Variants in SLC9A5 observed in about 807,000 individuals in gnomAD.
The protein encoded by SLC9A5 is solute carrier family 9 member A5.
A neutral mutation model predicts 91.7 loss-of-function variants in SLC9A5; 52 were observed. The observed-to-expected ratio is 0.57, with a 90% CI of 0.45 to 0.71. SLC9A5 has a LOEUF of 0.71. Among genes scored for constraint, SLC9A5 ranks in the 30% least tolerant of loss-of-function variants. The pLI is 0.00. For synonymous variants in SLC9A5, 419 were observed against 474.5 expected (o/e 0.88, Z 1.52); for missense variants, 871 against 1,158.9 (o/e 0.75, Z 3.61).
At position 67,270,924 on chromosome 16, in the gene SLC9A5, C is replaced by T. The variant is rs1163584484; in HGVS notation, c.2405C>T (p.Ala802Val). The T allele has an allele frequency of 2.5e-6, 4 of 1,614,104 alleles. No homozygotes were observed. The highest frequency in any genetic ancestry group is 1.1e-5 in the South Asian group (1 of 91,072). Residue 802 changes from alanine to valine, a missense_variant, in exon 16 of 16, where the codon GCG becomes GTG. Transcript: ENST00000299798. This position sits in a 1 kb window ranked among gnomAD's most constrained non-coding sequence, Gnocchi z 4.3. ...NQSISSLESL[A>V]SPPCNQAPIL... ...AGCATCTCATCCCTGGAGAGCCTAG[C>T]GTCCCCTCCCTGTAACCAGGCCCCA...
Position 67,271,654 on chromosome 16 carries a change from C to G in SLC9A5, c.*444C>G, listed in dbSNP as rs564419718. On this transcript the variant is annotated 3_prime_UTR_variant, in exon 16 of 16. Coordinates refer to ENST00000299798, the MANE Select transcript of SLC9A5 (RefSeq NM_004594.3). ...GGTCAGTGGTGTCCTGGCAGTGAGG[C>G]TCCGTGAGGGGCTGGCCCTTAGAGG... 3 of 174,002 alleles carry G rather than the reference C, an allele frequency of 1.7e-5. No homozygotes were observed. In the South Asian group the frequency reaches 4.3e-4, roughly 25 times the overall value. 10.8% of individuals were successfully genotyped at this position (174,002 alleles called of 1,614,324 possible).
chr16:67,258,269 G>A lies in SLC9A5; in HGVS notation c.1497-49G>A, dbSNP rs750226817. The A allele has an allele frequency of 2.2e-5, 35 of 1,606,924 alleles. No individual in the cohort carries two copies. Among genetic ancestry groups the A allele is most frequent in the Non-Finnish European group, 2.9e-5 (34 of 1,177,416 alleles). ...GCCCCGTCTGAGGAAGGGCCACCTG[G>A]CCAGGCCTTGGGAATGGGACTCAGG... On this transcript the variant is annotated intron_variant, in intron 9 of 15. Transcript: ENST00000299798. The surrounding 1 kb of genome is among the most constrained non-coding windows in gnomAD (Gnocchi z 4.5).
At position 67,252,782 on chromosome 16, in the gene SLC9A5, C is replaced by T; in HGVS notation, c.428C>T (p.Thr143Ile). 3 of 1,614,072 alleles carry T rather than the reference C, an allele frequency of 1.9e-6. No individual in the cohort carries two copies. Among genetic ancestry groups the T allele is most frequent in the Non-Finnish European group, 2.5e-6 (3 of 1,180,026 alleles). ...ATCCTCACCTATGCCGTGGTAGGCA[C>T]ACTCTGGAATGCCTTCACAACAGGC... ...GAILTYAVVG[T>I]LWNAFTTGAA... is the part of the protein sequence containing the mutation. The change falls in exon 2 of 16, where the codon ACA becomes ATA. Residue 143 changes from threonine to isoleucine, a missense_variant. By Grantham distance (89) the Thr-to-Ile change is moderately conservative. Coordinates refer to ENST00000299798, the MANE Select transcript of SLC9A5 (RefSeq NM_004594.3). The surrounding 1 kb of genome is among the most constrained non-coding windows in gnomAD (Gnocchi z 4.0).
chr16:67,253,957 G>A (rs1471183628), intron 2 of SLC9A5, among the ~76,000 whole-genome samples: 1 of 152,162 alleles, frequency 6.6e-6, no homozygotes, highest in African/African-American at 2.4e-5. Flanking sequence ...ACAAGAAAAC[G>A]TTTACAATTG....
rs1274902588 is a variant in SLC9A5, at chr16:67,255,200, T to C, written c.654+16T>C. 6.2e-7 allele frequency: 1 copy of C among 1,609,528 alleles called. No homozygotes were observed. The highest frequency in any genetic ancestry group is 1.1e-5 in the South Asian group (1 of 90,778). ...TGTCACCGTGGTGAGCGTGCTCAGC[T>C]GACTGCCATTCCCTGACCCCAGGCT... is the stretch of plus-strand genomic sequence containing the variant. On this transcript the variant is annotated intron_variant, in intron 3 of 15. Coordinates refer to ENST00000299798, the MANE Select transcript of SLC9A5 (RefSeq NM_004594.3). The surrounding 1 kb of genome is among the most constrained non-coding windows in gnomAD (Gnocchi z 4.9).
chr16:67,256,964 A>G lies in SLC9A5; in HGVS notation c.1186A>G (p.Lys396Glu). 1 of 1,614,204 alleles carries G rather than the reference A, an allele frequency of 6.2e-7. No individual in the cohort carries two copies. Among genetic ancestry groups the G allele is most frequent in the Non-Finnish European group, 8.5e-7 (1 of 1,180,044 alleles). ...LNQFRLVPLD[K>E]IDQVVMSYGG... ...TCAGTTCCGGCTAGTCCCTCTGGAC[A>G]AGATTGACCAAGTGGTGATGTCCTA... Residue 396 changes from lysine to glutamate, a missense_variant, in exon 7 of 16, where the codon AAG (lysine) becomes GAG (glutamate). Lys to Glu is a moderately conservative substitution (Grantham distance 56). Coordinates refer to ENST00000299798, the MANE Select transcript of SLC9A5 (RefSeq NM_004594.3). This position sits in a 1 kb window ranked among gnomAD's most constrained non-coding sequence, Gnocchi z 4.1.
Position 67,252,457 on chromosome 16 carries a change from A to G in SLC9A5, c.188-85A>G, listed in dbSNP as rs932736185. 3 of 1,307,652 alleles carry G rather than the reference A, an allele frequency of 2.3e-6. No homozygotes were observed. The highest frequency in any genetic ancestry group is 3.1e-6 in the Non-Finnish European group (3 of 954,152). 81.0% of individuals were successfully genotyped at this position (1,307,652 alleles called of 1,614,324 possible). A position where few individuals can be genotyped will look rare whatever the true frequency, so the allele number is the denominator to read the frequency against. ...AGAGTGAGACTTCATCTCAAAAAAA[A>G]AAAAACAAAACTGGGAGTTCATAGG... On this transcript the variant is annotated intron_variant, in intron 1 of 15. Coordinates refer to ENST00000299798, the MANE Select transcript of SLC9A5 (RefSeq NM_004594.3). This position sits in a 1 kb window ranked among gnomAD's most constrained non-coding sequence, Gnocchi z 4.0.
rs200327128 is a variant in SLC9A5 at position 67,252,889 on chromosome 16, C to T, written c.490+45C>T. ...GGGCTTTGCCAGACCCATCACCCCT[C>T]TCCCTTCTCCTCAAGCTCTGGAGGC... On this transcript the variant is annotated intron_variant, in intron 2 of 15. Coordinates refer to ENST00000299798, the MANE Select transcript of SLC9A5 (RefSeq NM_004594.3). The surrounding 1 kb of genome is among the most constrained non-coding windows in gnomAD (Gnocchi z 4.0). 2.0e-6 allele frequency: 3 copies of T among 1,521,168 alleles called. No homozygotes were observed. Among genetic ancestry groups the T allele is most frequent in the Non-Finnish European group, 2.7e-6 (3 of 1,124,082 alleles). The allele number at this position is 1,521,168 out of a possible 1,614,324, so 94.2% of individuals were successfully genotyped here. A position where few individuals can be genotyped will look rare whatever the true frequency, so the allele number is the denominator to read the frequency against.
Position 67,270,260 on chromosome 16 carries a change from A to T in SLC9A5, c.2219-478A>T, listed in dbSNP as rs2142396765. Among the ~76,000 whole-genome samples the T allele has an allele frequency of 6.6e-6, 1 of 152,142 alleles. No homozygotes were observed. Among genetic ancestry groups the T allele is most frequent in the African/African-American group, 2.4e-5 (1 of 41,498 alleles). On this transcript the variant is annotated intron_variant, in intron 15 of 15. Coordinates refer to ENST00000299798, the MANE Select transcript of SLC9A5 (RefSeq NM_004594.3). This position sits in a 1 kb window ranked among gnomAD's most constrained non-coding sequence, Gnocchi z 4.3. ...GAGTGCAGTGGCGAGATCTCGGCTC[A>T]TTGCAACCTCTGCCTCCCGGGTTCA... is the stretch of plus-strand genomic sequence containing the variant.
At chr16:67,262,477 T>G in intron 12 of SLC9A5, 1 of 312,584 alleles carries the variant, frequency 3.2e-6, no homozygotes, top group South Asian at 2.7e-5. Context: ...TATCAGGTTT[T>G]GTCACCTGGC....
intron 2 of SLC9A5, 140 bp from the exon 3 acceptor site, chr16:67,254,881 G>A: frequency 4.1e-6 from 3 of 732,636 alleles, no homozygotes; most frequent in South Asian, 3.8e-5. Flanking sequence ...GCAGGCTAAT[G>A]CTGTCTTTGC....
Position 67,255,630 on chromosome 16 carries a change from C to T in SLC9A5, c.734-123C>T. 1 of 1,333,186 alleles carries T rather than the reference C, an allele frequency of 7.5e-7. No homozygotes were observed. The highest frequency in any genetic ancestry group is 1.0e-6 in the Non-Finnish European group (1 of 956,798). The allele number at this position is 1,333,186 out of a possible 1,614,324, so 82.6% of individuals were successfully genotyped here. ...GAGGGGCTTGCCAGGGATCCTGGCT[C>T]TGGGGTTTTGAGCCCCTGGGAGTGC... On this transcript the variant is annotated intron_variant, in intron 4 of 15. Transcript: ENST00000299798. The surrounding 1 kb of genome is among the most constrained non-coding windows in gnomAD (Gnocchi z 4.9).
Position 67,255,359 on chromosome 16 carries a change from C to T in SLC9A5, c.655-34C>T. ...CCCAGCAGTCCCAGTTGCTGCCTTC[C>T]CGCCTCACTGCTGACTCTCCTCTTC... On this transcript the variant is annotated intron_variant, in intron 3 of 15. Transcript: ENST00000299798. The surrounding 1 kb of genome is among the most constrained non-coding windows in gnomAD (Gnocchi z 4.9). 1 of 1,592,900 alleles carries T rather than the reference C, an allele frequency of 6.3e-7. No homozygotes were observed. Among genetic ancestry groups the T allele is most frequent in the Non-Finnish European group, 8.6e-7 (1 of 1,162,320 alleles).
chr16:67,256,730 C>T lies in SLC9A5; in HGVS notation c.1132+41C>T. Reference sequence around the variant, plus strand: ...TCTGCTTTCCCACTCTCCTTCCTGTCCCGCCCCTCCCTGCAGCTCATCTCC... The same window carrying T: ...TCTGCTTTCCCACTCTCCTTCCTGTTCCGCCCCTCCCTGCAGCTCATCTCC... On this transcript the variant is annotated intron_variant, in intron 6 of 15. Transcript: ENST00000299798. This position sits in a 1 kb window ranked among gnomAD's most constrained non-coding sequence, Gnocchi z 4.1. 2.0e-6 allele frequency: 3 copies of T among 1,486,872 alleles called. No homozygotes were observed. The highest frequency in any genetic ancestry group is 2.8e-6 in the Non-Finnish European group (3 of 1,069,012). 92.1% of individuals were successfully genotyped at this position (1,486,872 alleles called of 1,614,324 possible).
chr16:67,261,458 C>G (rs1014389082), intron 12 of SLC9A5: 3 of 152,196 alleles, frequency 2.0e-5, no homozygotes, highest in African/African-American at 2.4e-5. Context: ...CATTCTGCAG[C>G]CCTACCACAT....
rs368027957 is a variant in SLC9A5, at chr16:67,255,846, G to A, written c.827G>A (p.Arg276His). Residue 276 changes from arginine (R) to histidine (H), a missense_variant, in exon 5 of 16, where the codon CGC becomes CAC. By Grantham distance (29) the Arg-to-His change is conservative. This residue lies in a region of SLC9A5 where 454 missense variants were observed against 718.3 expected (regional missense o/e 0.63). Coordinates refer to ENST00000299798, the MANE Select transcript of SLC9A5 (RefSeq NM_004594.3). This position sits in a 1 kb window ranked among gnomAD's most constrained non-coding sequence, Gnocchi z 4.9. ...ACCACACGCTTCACCAAGCGGGTCC[G>A]CATCATCGAGCCGCTGCTGGTCTTC... ...ALTTRFTKRV[R>H]IIEPLLVFLL... 18 of 1,612,518 alleles carry A rather than the reference G, an allele frequency of 1.1e-5. No homozygotes were observed. Among genetic ancestry groups the A allele is most frequent in the Admixed American group, 1.7e-5 (1 of 59,888 alleles).
intron 15 of SLC9A5, among the ~76,000 whole-genome samples, chr16:67,269,900 C>T (rs531392082): frequency 2.4e-3 from 372 of 152,302 alleles, no homozygotes; most frequent in Non-Finnish European, 4.7e-3. Flanking sequence ...ATCCCCTTTG[C>T]GGCAAAGCTC....
At chr16:67,261,677 A>G (rs936682611) in intron 12 of SLC9A5, 2 of 152,198 alleles carry the variant, frequency 1.3e-5, no homozygotes, top group Admixed American at 6.5e-5. Flanking sequence ...AAAATCTATA[A>G]TAGTTCTTTT....
At chr16:67,264,971 C>A in intron 13 of SLC9A5, 69 bp from the exon 14 acceptor site, 1 of 1,513,548 alleles carries the variant, frequency 6.6e-7, no homozygotes, top group Non-Finnish European at 9.2e-7. Context: ...TCCTGTTGAC[C>A]CCACCAGATG....
Sources: allele counts gnomAD v4.1 joint callset (sites outside exome capture counted in the v4.1 genomes callset), GRCh38; gene constraint gnomAD v4.1.1; regional missense constraint gnomAD v4.1.1; non-coding constraint Gnocchi (gnomAD v3.1); transcripts MANE v1.5; gene names NCBI Gene and HGNC (gene_info 2026-07-23, HGNC 2026-07-21).